Variants in WFDC9 observed in about 807,000 individuals in gnomAD.
The protein encoded by WFDC9 is protein WFDC9.
A neutral mutation model predicts 9.5 loss-of-function variants in WFDC9; 9 were observed. That is an observed-to-expected ratio of 0.95 (90% CI 0.57 to 1.65). The LOEUF is 1.65. Among genes scored for constraint, WFDC9 ranks in the 40% most tolerant of loss-of-function variants. The probability of loss-of-function intolerance (pLI) is 0.00; values close to 1 mark genes in which losing one functional copy is unlikely to be tolerated. For missense variants in WFDC9, 87 were observed against 106.7 expected (o/e 0.82, Z 0.81); for synonymous variants, 33 against 32.3 (o/e 1.02, Z -0.07).
chr20:45,610,292 A>G, intron 2 of WFDC9, 53 bp from the exon 3 acceptor site: 1 of 857,636 alleles, frequency 1.2e-6, no homozygotes, highest in Non-Finnish European at 1.9e-6. Context: ...ACAGGGGTAA[A>G]GTGCTTATGA....
chr20:45,615,984 G>C (rs79512961), intron 1 of WFDC9, among the ~76,000 whole-genome samples: 1 of 146,748 alleles, frequency 6.8e-6, no homozygotes, highest in Admixed American at 6.8e-5. Flanking sequence ...CCTCAATGTT[G>C]ATGGTTGTTG....
At chr20:45,613,362 G>C (rs1414502044) in intron 2 of WFDC9, among the ~76,000 whole-genome samples, 5 of 152,166 alleles carry the variant, frequency 3.3e-5, no homozygotes, top group Non-Finnish European at 1.5e-5. Context: ...CTCAAAAGCA[G>C]AGGTAATACT....
chr20:45,629,745 C>T (rs1053053572), intron 1 of WFDC9: 14 of 1,556,924 alleles, frequency 9.0e-6, no homozygotes, highest in South Asian at 1.2e-5. Context: ...CTTCACTCTC[C>T]GTAGACAGCT....
At chr20:45,613,023 A>C (rs1446815456) in intron 2 of WFDC9, among the ~76,000 whole-genome samples, 1 of 152,220 alleles carries the variant, frequency 6.6e-6, no homozygotes, top group East Asian at 1.9e-4. Flanking sequence ...ATTTTCAATG[A>C]AGCAAAAGAG....
chr20:45,629,559 G>A (rs982462166), intron 1 of WFDC9: 3 of 343,704 alleles, frequency 8.7e-6, no homozygotes, highest in African/African-American at 4.2e-5. Context: ...TCATTCTATC[G>A]GCAAGAACAC....
At chr20:45,625,161 G>A (rs185452213) in intron 1 of WFDC9, among the ~76,000 whole-genome samples, 24 of 152,272 alleles carry the variant, frequency 1.6e-4, no homozygotes, top group Non-Finnish European at 2.4e-4. Context: ...AGCAAGGCAC[G>A]TCCTACATGG....
chr20:45,617,013 T>A (rs904191467), intron 1 of WFDC9, among the ~76,000 whole-genome samples: 1 of 152,230 alleles, frequency 6.6e-6, no homozygotes, highest in Non-Finnish European at 1.5e-5. Context: ...TTGACTTCTA[T>A]CTATGAAAGT....
chr20:45,617,094 C>T (rs1357211326), intron 1 of WFDC9, among the ~76,000 whole-genome samples: 3 of 152,104 alleles, frequency 2.0e-5, no homozygotes, highest in East Asian at 1.9e-4. Context: ...ATTGTAGCCA[C>T]CTTCATCAAT....
chr20:45,613,216 A>G (rs1053386519), intron 2 of WFDC9, among the ~76,000 whole-genome samples: 2 of 152,176 alleles, frequency 1.3e-5, no homozygotes, highest in African/African-American at 4.8e-5. Flanking sequence ...GGACGATGGG[A>G]ATAGTCTACA....
intron 1 of WFDC9, among the ~76,000 whole-genome samples, chr20:45,624,183 C>T (rs1982166233): frequency 6.6e-6 from 1 of 152,110 alleles, no homozygotes. Context: ...CAGAGCAAGA[C>T]TCTGTCTCAA....
At chr20:45,612,958 C>A (rs970179415) in intron 2 of WFDC9, among the ~76,000 whole-genome samples, 4 of 152,180 alleles carry the variant, frequency 2.6e-5, no homozygotes, top group African/African-American at 9.7e-5. Context: ...TGCATCATTG[C>A]ATGAACAAGG....
chr20:45,626,061 A>G (rs1345400345), intron 1 of WFDC9, among the ~76,000 whole-genome samples: 1 of 151,790 alleles, frequency 6.6e-6, no homozygotes, highest in East Asian at 1.9e-4. Context: ...ACCTCATGTG[A>G]TCCACCTGCC....
chr20:45,627,956 CAG>C (rs1982258402), intron 1 of WFDC9, among the ~76,000 whole-genome samples: 1 of 152,100 alleles, frequency 6.6e-6, no homozygotes, highest in Non-Finnish European at 1.5e-5. Context: ...TTTTTCTATG[CAG>C]ACTTCTGTAT....
chr20:45,616,081 T>C (rs566955614), intron 1 of WFDC9, among the ~76,000 whole-genome samples: 2 of 152,344 alleles, frequency 1.3e-5, no homozygotes, highest in East Asian at 3.9e-4. Flanking sequence ...CATCAATTGA[T>C]TGATCCTTTC....
At chr20:45,622,722 T>C (rs1380143451) in intron 1 of WFDC9, among the ~76,000 whole-genome samples, 1 of 152,176 alleles carries the variant, frequency 6.6e-6, no homozygotes, top group Non-Finnish European at 1.5e-5. Flanking sequence ...TGGAAATAAA[T>C]GATGCCAATA....
intron 1 of WFDC9, among the ~76,000 whole-genome samples, chr20:45,619,957 C>T (rs7509607): frequency 0.34 from 52,068 of 151,742 alleles, 9,063 homozygotes; most frequent in Middle Eastern, 0.43. Flanking sequence ...ACCCAGGAGG[C>T]GGAGGTTGCA....
Position 45,610,013 on chromosome 20 carries a change from G to T in WFDC9, c.91+78C>A. ...AGAGATCCTTTAAAGCCTGATTCTT[G>T]ACATGCAGGCCCTGGATCAGCTACA... On this transcript the variant is annotated intron_variant, in intron 3 of 4. Coordinates refer to ENST00000326000, the MANE Select transcript of WFDC9 (RefSeq NM_147198.4). 5.3e-6 allele frequency: 6 copies of T among 1,141,242 alleles called. 1 individual carries two copies. Among genetic ancestry groups the T allele is most frequent in the South Asian group, 2.8e-5 (2 of 72,118 alleles). The allele number at this position is 1,141,242 out of a possible 1,614,324, so 70.7% of individuals were successfully genotyped here. A position where few individuals can be genotyped will look rare whatever the true frequency, so the allele number is the denominator to read the frequency against.
chr20:45,625,399 T>C (rs908871948), intron 1 of WFDC9, among the ~76,000 whole-genome samples: 7 of 152,218 alleles, frequency 4.6e-5, no homozygotes, highest in African/African-American at 1.4e-4. Flanking sequence ...TTTCTCTCAT[T>C]CTGTAGATTG....
chr20:45,615,171 G>A (rs1981945719), intron 1 of WFDC9, among the ~76,000 whole-genome samples: 2 of 152,154 alleles, frequency 1.3e-5, no homozygotes, highest in Admixed American at 1.3e-4. Flanking sequence ...GACTGAATAG[G>A]AAGAATTTTA....
Sources: allele counts gnomAD v4.1 joint callset (sites outside exome capture counted in the v4.1 genomes callset), GRCh38; gene constraint gnomAD v4.1.1; transcripts MANE v1.5; gene names NCBI Gene and HGNC (gene_info 2026-07-23, HGNC 2026-07-21).